GRID2: variants seen among roughly 807,000 people sequenced by gnomAD.
GRID2 encodes glutamate ionotropic receptor delta type subunit 2.
In GRID2, 33 loss-of-function variants were observed where a neutral mutation model predicts 114.8. The observed-to-expected ratio is 0.29, with a 90% CI of 0.22 to 0.38. The LOEUF (loss-of-function observed/expected upper bound fraction) is 0.38, where lower values mean the gene tolerates loss of function less well. GRID2 is among the 10% of genes least tolerant of loss of function. The pLI, the probability that GRID2 is intolerant of heterozygous loss-of-function variation, is 1.00. For missense variants in GRID2, 1,184 were observed against 1,257.7 expected, an observed-to-expected ratio of 0.94 and a Z score of 0.89; for synonymous variants, 505 against 449.9, an observed-to-expected ratio of 1.12 and a Z score of -1.55.
intron 2 of GRID2, among the ~76,000 whole-genome samples, chr4:92,644,113 G>C (rs1388446577): frequency 1.3e-5 from 2 of 151,572 alleles, no homozygotes; most frequent in African/African-American, 4.8e-5. Flanking sequence ...ATAAAAAAAG[G>C]GTAGTGTTGG....
chr4:92,706,267 T>C (rs562486059), intron 2 of GRID2, among the ~76,000 whole-genome samples: 21 of 152,318 alleles, frequency 1.4e-4, no homozygotes, highest in African/African-American at 4.6e-4. Context: ...GCTATAGTTG[T>C]AAATATCAGG....
intron 2 of GRID2, among the ~76,000 whole-genome samples, chr4:92,643,725 C>G (rs1226320454): frequency 6.6e-6 from 1 of 151,590 alleles, no homozygotes; most frequent in Non-Finnish European, 1.5e-5. Flanking sequence ...TCCCAAAGTG[C>G]TAGGAATCAC....
At chr4:92,897,430 TA>T (rs564591313) in intron 2 of GRID2, among the ~76,000 whole-genome samples, 19 of 151,638 alleles carry the variant, frequency 1.3e-4, no homozygotes, top group East Asian at 1.2e-3. Context: ...TTGTTTGTTT[TA>T]AAAAAAAAGT....
intron 1 of GRID2, among the ~76,000 whole-genome samples, chr4:92,314,062 T>C (rs1725841408): frequency 6.6e-6 from 1 of 152,142 alleles, no homozygotes; most frequent in Non-Finnish European, 1.5e-5. Flanking sequence ...TGAGTTTGGA[T>C]AGAAAACGTT....
At chr4:93,426,576 G>A (rs1267375219) in intron 10 of GRID2, among the ~76,000 whole-genome samples, 1 of 152,034 alleles carries the variant, frequency 6.6e-6, no homozygotes, top group Admixed American at 6.6e-5. Flanking sequence ...TAATTTTGGA[G>A]ACTTACTTTT....
chr4:93,376,745 C>T (rs969085571), intron 8 of GRID2, among the ~76,000 whole-genome samples: 2 of 152,134 alleles, frequency 1.3e-5, no homozygotes, highest in South Asian at 4.1e-4. Flanking sequence ...CACATGTTCT[C>T]ACTTATAAGT....
At chr4:92,340,881 T>A (rs979657834) in intron 1 of GRID2, among the ~76,000 whole-genome samples, 2 of 152,088 alleles carry the variant, frequency 1.3e-5, no homozygotes, top group Non-Finnish European at 2.9e-5. Flanking sequence ...TGTCTCTGAG[T>A]TTTTTTCTGA....
chr4:92,825,032 A>C (rs1318228921), intron 2 of GRID2, among the ~76,000 whole-genome samples: 1 of 152,138 alleles, frequency 6.6e-6, no homozygotes, highest in Non-Finnish European at 1.5e-5. Flanking sequence ...AGTATAATTA[A>C]AAATACATAA....
chr4:92,870,619 AT>A (rs143092191), intron 2 of GRID2, among the ~76,000 whole-genome samples: 15,322 of 152,216 alleles, frequency 0.1, 847 homozygotes, highest in Middle Eastern at 0.21. Context: ...AACAGGAATT[AT>A]TTTAAAAAGC....
At chr4:93,398,918 A>G (rs1220304037) in intron 9 of GRID2, among the ~76,000 whole-genome samples, 1 of 151,844 alleles carries the variant, frequency 6.6e-6, no homozygotes, top group Non-Finnish European at 1.5e-5. Context: ...GAAACCAGTC[A>G]TTCCCTTCTT....
intron 14 of GRID2, among the ~76,000 whole-genome samples, chr4:93,653,375 C>T (rs892688588): frequency 2.6e-5 from 4 of 152,188 alleles, no homozygotes; most frequent in South Asian, 2.1e-4. Flanking sequence ...CACCTGCCAA[C>T]TCCAGTGTAT....
chr4:92,415,734 A>ATGTGTG (rs1285685766), intron 1 of GRID2, among the ~76,000 whole-genome samples: 7 of 40,984 alleles, frequency 1.7e-4, no homozygotes, highest in African/African-American at 6.1e-4. Flanking sequence ...GTGTGTGTGT[A>ATGTGTG]TGTGTGTATA....
At chr4:92,632,134 G>T (rs868664490) in intron 2 of GRID2, among the ~76,000 whole-genome samples, 1 of 151,996 alleles carries the variant, frequency 6.6e-6, no homozygotes, top group Non-Finnish European at 1.5e-5. Context: ...AAGACTTTGC[G>T]CTTTAAAATC....
At chr4:93,096,099 T>C (rs904553703) in intron 3 of GRID2, among the ~76,000 whole-genome samples, 7 of 151,954 alleles carry the variant, frequency 4.6e-5, no homozygotes, top group African/African-American at 1.2e-4. Context: ...TTAACCAACA[T>C]GCCAATCAAT....
intron 14 of GRID2, among the ~76,000 whole-genome samples, chr4:93,660,197 T>G (rs1439933218): frequency 6.6e-6 from 1 of 152,190 alleles, no homozygotes; most frequent in Non-Finnish European, 1.5e-5. Flanking sequence ...ACTCAGTGTT[T>G]TAATGTCAGT....
At chr4:93,245,613 A>G (rs1019489838) in intron 8 of GRID2, among the ~76,000 whole-genome samples, 25 of 152,318 alleles carry the variant, frequency 1.6e-4, no homozygotes, top group Admixed American at 5.2e-4. Context: ...CAGCGAGACT[A>G]GATTTAACAG....
At chr4:93,720,907 T>C (rs377222992) in intron 14 of GRID2, among the ~76,000 whole-genome samples, 15 of 152,172 alleles carry the variant, frequency 9.9e-5, no homozygotes, top group Non-Finnish European at 1.6e-4. Flanking sequence ...GTTGTTGTTG[T>C]TGCTGCTGCT....
chr4:92,475,304 G>A (rs985291282), intron 1 of GRID2, among the ~76,000 whole-genome samples: 15 of 151,230 alleles, frequency 9.9e-5, no homozygotes, highest in African/African-American at 3.6e-4. Flanking sequence ...TATGATTTCA[G>A]GACTTACATT....
chr4:92,361,696 T>A (rs1728627384), intron 1 of GRID2, among the ~76,000 whole-genome samples: 1 of 151,996 alleles, frequency 6.6e-6, no homozygotes, highest in Non-Finnish European at 1.5e-5. Context: ...AGTTTGCCCA[T>A]CTGTTGTAAA....
Sources: allele counts gnomAD v4.1 joint callset (sites outside exome capture counted in the v4.1 genomes callset), GRCh38; gene constraint gnomAD v4.1.1; transcripts MANE v1.5; gene names NCBI Gene and HGNC (gene_info 2026-07-23, HGNC 2026-07-21).